Variants in SCNN1B observed in about 807,000 individuals in gnomAD.
SCNN1B encodes the protein sodium channel epithelial 1 subunit beta.
In SCNN1B, 46 loss-of-function variants were observed where a neutral mutation model predicts 65.3. That is an observed-to-expected ratio of 0.70 (90% CI 0.56 to 0.90). The LOEUF (loss-of-function observed/expected upper bound fraction) is 0.90, where lower values mean the gene tolerates loss of function less well. SCNN1B is among the 40% of genes least tolerant of loss of function. The pLI is 0.00. For missense variants in SCNN1B, 751 were observed against 830.5 expected (o/e 0.90, Z 1.18); for synonymous variants, 349 against 330.6 (o/e 1.06, Z -0.60).
At chr16:23,312,777 C>T (rs1193962007) in intron 1 of SCNN1B, among the ~76,000 whole-genome samples, 2 of 152,086 alleles carry the variant, frequency 1.3e-5, no homozygotes, top group African/African-American at 4.8e-5. Context: ...CCTCACCTCC[C>T]CCGATCCCTT....
At chr16:23,297,308 G>A (rs1226600534), upstream of SCNN1B, among the ~76,000 whole-genome samples, 1 of 152,180 alleles carries the variant, frequency 6.6e-6, no homozygotes, top group African/African-American at 2.4e-5. Flanking sequence ...AGTCTGTCAA[G>A]ATTCTGCAAA....
At chr16:23,345,302 G>A (rs145456749) in intron 1 of SCNN1B, among the ~76,000 whole-genome samples, 547 of 152,314 alleles carry the variant, frequency 3.6e-3, no homozygotes, top group Admixed American at 8.2e-3. Flanking sequence ...CAAGAAACTA[G>A]AACACAGGAT....
At chr16:23,367,557 C>T (rs1962694633) in intron 4 of SCNN1B, among the ~76,000 whole-genome samples, 1 of 152,238 alleles carries the variant, frequency 6.6e-6, no homozygotes, top group African/African-American at 2.4e-5. Flanking sequence ...CTCAGCCTTC[C>T]AAAGTGCTAG....
At chr16:23,284,057 A>T (rs1960818680) in intron 2 of SCNN1B, among the ~76,000 whole-genome samples, 1 of 152,226 alleles carries the variant, frequency 6.6e-6, no homozygotes, top group South Asian at 2.1e-4. Context: ...CAATTTAGAT[A>T]GAAGTCAATT....
intron 7 of SCNN1B, among the ~76,000 whole-genome samples, chr16:23,374,268 G>GAAAAAAAAAAAA (rs1223701346): frequency 9.9e-5 from 6 of 60,452 alleles, no homozygotes; most frequent in East Asian, 7.3e-4. Flanking sequence ...CCTGTCTCAG[G>GAAAAAAAAAAAA]AAAAAAAAAA....
intron 6 of SCNN1B, among the ~76,000 whole-genome samples, 153 bp downstream of exon 6, chr16:23,371,615 G>A (rs563223962): frequency 2.0e-5 from 3 of 152,184 alleles, no homozygotes; most frequent in Non-Finnish European, 4.4e-5. Flanking sequence ...GGTGGCCCAA[G>A]CTTTAGGGGA....
chr16:23,324,335 GC>G (rs1001666167), intron 1 of SCNN1B, among the ~76,000 whole-genome samples: 6 of 151,940 alleles, frequency 3.9e-5, no homozygotes, highest in Non-Finnish European at 7.4e-5. Context: ...CCACAGGCAT[GC>G]ACCACTTCAC....
intron 1 of SCNN1B, among the ~76,000 whole-genome samples, chr16:23,314,150 G>T (rs560185833): frequency 6.6e-6 from 1 of 152,082 alleles, no homozygotes; most frequent in South Asian, 2.1e-4. Context: ...CTCTCCAGTA[G>T]CTGGGACTGC....
Position 23,365,609 on chromosome 16 carries a change from GAA to G in SCNN1B, c.777-2245_777-2244del, listed in dbSNP as rs55978547. ...AAAGAGAAAGAAAGAAAGAAAGAAA[GAA>G]AGAAAGAAAAAAGAAAGAAGTCACA... On this transcript the variant is annotated intron_variant, in intron 4 of 12. Coordinates refer to ENST00000343070, the MANE Select transcript of SCNN1B (RefSeq NM_000336.3). 8.9e-3 allele frequency among the ~76,000 whole-genome samples: 639 copies of G among 71,640 alleles called. 15 individuals carry two copies. Among genetic ancestry groups the G allele is most frequent in the African/African-American group, 0.026 (578 of 22,580 alleles). The allele number at this position is 71,640 out of a possible 152,430, so 47.0% of individuals were successfully genotyped here.
rs144324976 is a variant in SCNN1B, at chr16:23,335,549, G to A, written c.-8-13043G>A. On this transcript the variant is annotated intron_variant, in intron 1 of 12. Coordinates refer to ENST00000343070, the MANE Select transcript of SCNN1B (RefSeq NM_000336.3). ...TGCAACCTCCGCATCCCAGGTTCAA[G>A]CGATTCTCCTGCCTCAGCCTCCCAA... 3.1e-3 allele frequency among the ~76,000 whole-genome samples: 476 copies of A among 151,412 alleles called. 2 individuals carry two copies. The highest frequency in any genetic ancestry group is 0.011 in the African/African-American group (460 of 41,248).
chr16:23,305,882 C>T (rs1474449272), intron 1 of SCNN1B, among the ~76,000 whole-genome samples: 1 of 152,000 alleles, frequency 6.6e-6, no homozygotes, highest in Non-Finnish European at 1.5e-5. Context: ...TAAAGAGCAG[C>T]TAATATAAAA....
chr16:23,344,080 T>C (rs1962136153), intron 1 of SCNN1B, among the ~76,000 whole-genome samples: 1 of 152,256 alleles, frequency 6.6e-6, no homozygotes, highest in Non-Finnish European at 1.5e-5. Context: ...TTTTGCTACC[T>C]GTAGTACTGT....
At chr16:23,297,884 G>C (rs922941169), upstream of SCNN1B, among the ~76,000 whole-genome samples, 1 of 152,142 alleles carries the variant, frequency 6.6e-6, no homozygotes, top group Non-Finnish European at 1.5e-5. Context: ...ACCTGAAGTA[G>C]AATGAATGGA....
intron 1 of SCNN1B, among the ~76,000 whole-genome samples, chr16:23,334,259 C>G (rs1332692100): frequency 6.6e-6 from 1 of 152,138 alleles, no homozygotes; most frequent in African/African-American, 2.4e-5. Flanking sequence ...AGTGAACCTC[C>G]CATGACCCAC....
chr16:23,281,594 G>A (rs1960785769), intron 1 of SCNN1B, among the ~76,000 whole-genome samples: 1 of 152,174 alleles, frequency 6.6e-6, no homozygotes. Flanking sequence ...CCTAGAATAA[G>A]AATAGATAAG....
At chr16:23,365,561 A>AAGAG (rs1962640243) in intron 4 of SCNN1B, among the ~76,000 whole-genome samples, 2 of 57,504 alleles carry the variant, frequency 3.5e-5, no homozygotes, top group South Asian at 1.1e-3. Flanking sequence ...AGGAAAGAGA[A>AAGAG]AGAAAGAAAG....
intron 2 of SCNN1B, among the ~76,000 whole-genome samples, chr16:23,295,955 G>A (rs956319528): frequency 2.0e-5 from 3 of 152,158 alleles, no homozygotes; most frequent in South Asian, 4.1e-4. Flanking sequence ...AAAAGTATGC[G>A]CTCTGAGCTG....
intron 1 of SCNN1B, among the ~76,000 whole-genome samples, chr16:23,312,005 G>A (rs1961354505): frequency 1.3e-5 from 2 of 152,184 alleles, no homozygotes; most frequent in South Asian, 4.1e-4. Context: ...CTGATGTAGG[G>A]AGGGGGAGGC....
Position 23,371,780 on chromosome 16 carries a change from A to G in SCNN1B, c.1049A>G (p.Lys350Arg). ...TETSIGVLVDKLQRMGEPYSP... is the reference protein window; with the variant it reads ...TETSIGVLVDRLQRMGEPYSP... Reference sequence around the variant, plus strand: ...AAGCAACCCCTCTAAACACAGGACAAGCTTCAGCGCATGGGGGAGCCCTAC... The same window carrying G: ...AAGCAACCCCTCTAAACACAGGACAGGCTTCAGCGCATGGGGGAGCCCTAC... Residue 350 changes from lysine (K) to arginine (R), a missense_variant, in exon 7 of 13, where the codon AAG becomes AGG. Physicochemically the swap from Lys to Arg is conservative, Grantham distance 26. Transcript: ENST00000343070. The G allele has an allele frequency of 6.2e-7, 1 of 1,613,930 alleles. No individual in the cohort carries two copies. The highest frequency in any genetic ancestry group is 8.5e-7 in the Non-Finnish European group (1 of 1,179,760).
Sources: allele counts gnomAD v4.1 joint callset (sites outside exome capture counted in the v4.1 genomes callset), GRCh38; gene constraint gnomAD v4.1.1; transcripts MANE v1.5; gene names NCBI Gene and HGNC (gene_info 2026-07-23, HGNC 2026-07-21).